The following MKNK1 variants were observed in gnomAD, a reference collection of about 807,000 sequenced individuals.
MKNK1 encodes the protein MAP kinase-interacting serine/threonine-protein kinase 1.
Under a neutral mutation model 49.3 loss-of-function variants are expected in MKNK1, and 30 were observed. That is an observed-to-expected ratio of 0.61 (90% CI 0.46 to 0.83). MKNK1 has a LOEUF of 0.83. Among genes scored for constraint, MKNK1 ranks in the 40% least tolerant of loss-of-function variants. MKNK1 has a pLI of 0.00. For missense variants in MKNK1, 423 were observed against 524.7 expected, an observed-to-expected ratio of 0.81 and a Z score of 1.89; for synonymous variants, 176 against 201.7, an observed-to-expected ratio of 0.87 and a Z score of 1.08.
intron 1 of MKNK1, among the ~76,000 whole-genome samples, chr1:46,602,243 C>T (rs577842780): frequency 6.6e-6 from 1 of 152,330 alleles, no homozygotes; most frequent in African/African-American, 2.4e-5. Flanking sequence ...GAAACCCCGT[C>T]TCTACTAAAA....
Position 46,594,267 on chromosome 1 carries a change from T to A in MKNK1, c.-157A>T, listed in dbSNP as rs755409484. The A allele has an allele frequency of 1.3e-6, 1 of 787,374 alleles. No homozygotes were observed. Among genetic ancestry groups the A allele is most frequent in the Admixed American group, 1.8e-5 (1 of 54,954 alleles). The allele number at this position is 787,374 out of a possible 1,614,324, so 48.8% of individuals were successfully genotyped here. A position where few individuals can be genotyped will look rare whatever the true frequency, so the allele number is the denominator to read the frequency against. ...GGCAATCTTCAGTTCTCCATCGGCC[T>A]CTGACATGGAAACCTTGAAAAAGCA... On this transcript the variant is annotated 5_prime_UTR_variant, in exon 2 of 13. Transcript: ENST00000371945.
intron 8 of MKNK1, among the ~76,000 whole-genome samples, chr1:46,567,624 A>T (rs1669292674): frequency 6.6e-6 from 1 of 152,220 alleles, no homozygotes; most frequent in African/African-American, 2.4e-5. Context: ...AGACTGACTC[A>T]TTCATTCAAG....
intron 3 of MKNK1, among the ~76,000 whole-genome samples, chr1:46,581,359 A>G (rs1417896814): frequency 2.0e-5 from 3 of 151,904 alleles, no homozygotes; most frequent in African/African-American, 7.3e-5. Context: ...AAAATACAAA[A>G]ATTAGCTGGG....
intron 10 of MKNK1, among the ~76,000 whole-genome samples, 153 bp downstream of exon 10, chr1:46,562,496 T>C (rs1475107568): frequency 6.6e-6 from 1 of 151,574 alleles, no homozygotes; most frequent in Non-Finnish European, 1.5e-5. Context: ...TTATCTCTAT[T>C]TTACCTTGTG....
intron 11 of MKNK1, 46 bp downstream of exon 11, chr1:46,561,432 C>G: frequency 1.3e-6 from 2 of 1,543,694 alleles, no homozygotes; most frequent in Non-Finnish European, 1.7e-6. Context: ...GTGGCCATGC[C>G]ACAGGCCTGA....
At position 46,587,024 on chromosome 1, in the gene MKNK1, G is replaced by A. The variant is rs550530184; in HGVS notation, c.-2-3695C>T. Among the ~76,000 whole-genome samples the A allele has an allele frequency of 5.3e-5, 8 of 152,318 alleles. No homozygotes were observed. The South Asian group carries it at 1.5e-3, about 28-fold the overall frequency. Reference sequence around the variant, plus strand: ...GGGGTTTCGCCATGTTGGCCAGGCTGGTCTCAAACTCCTGACCTCAGGTGA... The same window carrying A: ...GGGGTTTCGCCATGTTGGCCAGGCTAGTCTCAAACTCCTGACCTCAGGTGA... On this transcript the variant is annotated intron_variant, in intron 2 of 12. Transcript: ENST00000371945.
intron 6 of MKNK1, chr1:46,572,368 A>C (rs1570146682): frequency 2.4e-6 from 1 of 419,030 alleles, no homozygotes; most frequent in Non-Finnish European, 4.4e-6. Flanking sequence ...AGGCACCACC[A>C]TGTCCAGCTA....
intron 10 of MKNK1, among the ~76,000 whole-genome samples, chr1:46,562,321 A>G (rs1668143076): frequency 6.9e-6 from 1 of 144,308 alleles, no homozygotes; most frequent in Non-Finnish European, 1.5e-5. Context: ...GCTTGAACCC[A>G]GGAGGCAGAG....
At chr1:46,582,574 C>T (rs540770121) in intron 3 of MKNK1, among the ~76,000 whole-genome samples, 1 of 152,190 alleles carries the variant, frequency 6.6e-6, no homozygotes, top group South Asian at 2.1e-4. Flanking sequence ...AAGTGGGGCA[C>T]GTTACTCCTA....
At chr1:46,560,202 G>A in intron 12 of MKNK1, 32 bp downstream of exon 12, 2 of 1,612,964 alleles carry the variant, frequency 1.2e-6, no homozygotes, top group South Asian at 1.1e-5. Flanking sequence ...GCTTGAGGAA[G>A]AGCATGGCGT....
intron 2 of MKNK1, chr1:46,586,076 G>A (rs1035702917): frequency 1.8e-5 from 8 of 449,800 alleles, no homozygotes; most frequent in Admixed American, 1.5e-4. Flanking sequence ...TCTCACCAAG[G>A]GGTCGCTAGT....
chr1:46,577,616 C>A (rs1395278779), intron 4 of MKNK1, among the ~76,000 whole-genome samples: 1 of 152,244 alleles, frequency 6.6e-6, no homozygotes, highest in Non-Finnish European at 1.5e-5. Context: ...TAAGCCCTTG[C>A]TATCCCATAC....
chr1:46,582,742 G>T (rs986531182), intron 3 of MKNK1: 5 of 393,482 alleles, frequency 1.3e-5, no homozygotes, highest in Non-Finnish European at 2.5e-5. Flanking sequence ...AACACAACAC[G>T]TATTCTTTAA....
rs146757228 is a variant in MKNK1, at chr1:46,580,565, C to T, written c.163G>A (p.Val55Met). 3.2e-5 allele frequency: 52 copies of T among 1,613,932 alleles called. No individual in the cohort carries two copies. Among genetic ancestry groups the T allele is most frequent in the African/African-American group, 1.6e-4 (12 of 74,936 alleles). The change falls in exon 4 of 13, where the codon GTG (valine) becomes ATG (methionine). Residue 55 changes from valine (V) to methionine (M), a missense_variant. Coordinates refer to ENST00000371945, the MANE Select transcript of MKNK1 (RefSeq NM_001135553.4). ...EGAYAKVQGA[V>M]SLQNGKEYAV... ...TACTCTTTGCCATTCTGTAGGCTCA[C>T]GGCACCTTGAACTTTGGCATAGGCT...
chr1:46,571,547 G>T (rs1270985864), intron 7 of MKNK1: 1 of 434,884 alleles, frequency 2.3e-6, no homozygotes, highest in East Asian at 7.5e-5. Context: ...TGTCTAAAAA[G>T]GAAAAAAAAG....
intron 5 of MKNK1, chr1:46,575,488 G>A (rs1273035686): frequency 6.4e-6 from 1 of 157,134 alleles, no homozygotes; most frequent in Non-Finnish European, 1.4e-5. Context: ...CTGTCAAATG[G>A]ACTTGGGGCC....
At chr1:46,592,842 T>C (rs890947191) in intron 2 of MKNK1, among the ~76,000 whole-genome samples, 1 of 152,136 alleles carries the variant, frequency 6.6e-6, no homozygotes, top group Non-Finnish European at 1.5e-5. Context: ...CATATACTTA[T>C]GATTACATGT....
chr1:46,582,794 G>A (rs1671938332), intron 3 of MKNK1: 2 of 446,838 alleles, frequency 4.5e-6, no homozygotes, highest in Non-Finnish European at 9.0e-6. Flanking sequence ...TACAATCTGA[G>A]AGACAAATTC....
chr1:46,568,121 C>CA (rs10711362), intron 8 of MKNK1: 3,729 of 142,848 alleles, frequency 0.026, 3 homozygotes, highest in South Asian at 0.038. Context: ...GACCCCGTCT[C>CA]AAAAAAAAAA....
Sources: allele counts gnomAD v4.1 joint callset (sites outside exome capture counted in the v4.1 genomes callset), GRCh38; gene constraint gnomAD v4.1.1; transcripts MANE v1.5; gene names NCBI Gene and HGNC (gene_info 2026-07-23, HGNC 2026-07-21).